Variants in DLGAP2 observed in about 807,000 individuals in gnomAD.
DLGAP2 encodes the protein DLG associated protein 2.
In DLGAP2, 26 loss-of-function variants were observed where a neutral mutation model predicts 100.3. The observed-to-expected ratio is 0.26, with a 90% CI of 0.19 to 0.36. The LOEUF (loss-of-function observed/expected upper bound fraction) is 0.36. DLGAP2 is among the 10% of genes least tolerant of loss of function. DLGAP2 has a pLI of 1.00. For synonymous variants in DLGAP2, 886 were observed against 630.1 expected (o/e 1.41, Z -6.08); for missense variants, 1,858 against 1,453.2 (o/e 1.28, Z -4.53).
chr8:900,327 T>C (rs1408774211), intron 1 of DLGAP2, among the ~76,000 whole-genome samples: 1 of 149,234 alleles, frequency 6.7e-6, no homozygotes, highest in Non-Finnish European at 1.5e-5. Context: ...CTTCACGGTG[T>C]CGCTCCCGGG....
At position 1,462,867 on chromosome 8, in the gene DLGAP2, T is replaced by C. The variant is rs77955929; in HGVS notation, c.107-38499T>C. Among the ~76,000 whole-genome samples, 170 of 152,352 alleles carry C rather than the reference T, an allele frequency of 1.1e-3. No homozygotes were observed. The East Asian group carries it at 0.029, about 26-fold the overall frequency. On this transcript the variant is annotated intron_variant, in intron 3 of 14. Coordinates refer to ENST00000637795, the MANE Select transcript of DLGAP2 (RefSeq NM_001346810.2). The stretch of plus-strand genomic sequence containing the variant: ...TAGGATCTATTTTATCTGAAACGAT[T>C]AGTTCAAGAAGGAAATGTTACTTCC...
At chr8:1,458,158 G>A (rs969266723) in intron 3 of DLGAP2, among the ~76,000 whole-genome samples, 15 of 151,126 alleles carry the variant, frequency 9.9e-5, no homozygotes, top group Non-Finnish European at 8.8e-5. Flanking sequence ...CACCCGCCTC[G>A]GCCTCCCAAA....
chr8:971,186 A>G (rs1800005674), intron 2 of DLGAP2, among the ~76,000 whole-genome samples: 2 of 152,248 alleles, frequency 1.3e-5, no homozygotes, highest in South Asian at 4.1e-4. Flanking sequence ...GATGGGAGAA[A>G]GTATTTTCAT....
At chr8:764,677 G>C (rs1821166221) in intron 1 of DLGAP2, among the ~76,000 whole-genome samples, 1 of 152,122 alleles carries the variant, frequency 6.6e-6, no homozygotes, top group African/African-American at 2.4e-5. Flanking sequence ...TCTACCGTAA[G>C]TACCATAAAA....
intron 8 of DLGAP2, among the ~76,000 whole-genome samples, chr8:1,651,191 C>G (rs1196859235): frequency 6.6e-6 from 1 of 152,220 alleles, no homozygotes; most frequent in Admixed American, 6.5e-5. Context: ...CCACCTCTGC[C>G]TCACAGCAGA....
chr8:1,173,710 C>T (rs369810490), intron 2 of DLGAP2, among the ~76,000 whole-genome samples: 49 of 152,254 alleles, frequency 3.2e-4, no homozygotes, highest in African/African-American at 6.3e-4. Context: ...TCTCCTGGTG[C>T]GCCATTTTTT....
chr8:824,712 G>C (rs1211833661), intron 1 of DLGAP2, among the ~76,000 whole-genome samples: 1 of 152,132 alleles, frequency 6.6e-6, no homozygotes, highest in Non-Finnish European at 1.5e-5. Context: ...AAGTGTGGTA[G>C]TGCTAGCGAT....
At chr8:1,350,366 C>T (rs146019247) in intron 3 of DLGAP2, among the ~76,000 whole-genome samples, 879 of 53,960 alleles carry the variant, frequency 0.016, 35 homozygotes, top group Middle Eastern at 0.033. Context: ...GGAAAGGCCG[C>T]GTGGGTCCTG....
At chr8:1,433,167 A>AG (rs1430320096) in intron 3 of DLGAP2, among the ~76,000 whole-genome samples, 1 of 152,204 alleles carries the variant, frequency 6.6e-6, no homozygotes, top group Non-Finnish European at 1.5e-5. Flanking sequence ...AAGCCCCTCC[A>AG]GGAACGTGCG....
chr8:1,507,788 C>T (rs1396616771), intron 4 of DLGAP2, among the ~76,000 whole-genome samples: 1 of 151,898 alleles, frequency 6.6e-6, no homozygotes, highest in Non-Finnish European at 1.5e-5. Flanking sequence ...CACGACCCTC[C>T]TTCACCCACC....
chr8:1,176,925 C>T (rs1797272454), intron 2 of DLGAP2, among the ~76,000 whole-genome samples: 2 of 152,270 alleles, frequency 1.3e-5, no homozygotes, highest in East Asian at 1.9e-4. Flanking sequence ...CATGCCATGG[C>T]AGCAAAGCAG....
intron 2 of DLGAP2, among the ~76,000 whole-genome samples, chr8:1,200,226 C>G (rs1046987757): frequency 6.6e-6 from 1 of 152,228 alleles, no homozygotes; most frequent in Non-Finnish European, 1.5e-5. Flanking sequence ...CCTGGGACAG[C>G]TTCGTGTCTT....
chr8:851,831 C>G (rs148485794), intron 1 of DLGAP2, among the ~76,000 whole-genome samples: 1 of 152,060 alleles, frequency 6.6e-6, no homozygotes, highest in Non-Finnish European at 1.5e-5. Flanking sequence ...GTGACTGTTC[C>G]GTGACTGCTG....
intron 3 of DLGAP2, among the ~76,000 whole-genome samples, chr8:1,381,782 A>AGTGTGTGTGTGTGTGTGTGTGT (rs72529197): frequency 1.1e-4 from 16 of 141,694 alleles, no homozygotes; most frequent in Admixed American, 1.1e-3. Flanking sequence ...GGGTTATTCT[A>AGTGTGTGTGTGTGTGTGTGTGT]GTGTGTGTGT....
At chr8:1,194,499 C>T (rs952816532) in intron 2 of DLGAP2, among the ~76,000 whole-genome samples, 5 of 152,144 alleles carry the variant, frequency 3.3e-5, no homozygotes, top group South Asian at 2.1e-4. Context: ...AGGTCATCCC[C>T]AGGGGTCCCT....
chr8:1,606,086 G>A (rs1400624801), intron 6 of DLGAP2, among the ~76,000 whole-genome samples: 1 of 152,170 alleles, frequency 6.6e-6, no homozygotes, highest in East Asian at 1.9e-4. Flanking sequence ...CTGCCCCAGA[G>A]CTCCCTCACT....
chr8:794,636 G>T (rs35984146), intron 1 of DLGAP2, among the ~76,000 whole-genome samples: 20,082 of 152,150 alleles, frequency 0.13, 1,894 homozygotes, highest in East Asian at 0.54. Flanking sequence ...GGTGTTCCTT[G>T]CCCGCATTCC....
At chr8:1,099,748 G>A (rs111560735) in intron 2 of DLGAP2, among the ~76,000 whole-genome samples, 114 of 152,306 alleles carry the variant, frequency 7.5e-4, no homozygotes, top group African/African-American at 2.7e-3. Flanking sequence ...TAATTAGTGT[G>A]TACAGTATTT....
intron 3 of DLGAP2, among the ~76,000 whole-genome samples, chr8:1,500,893 C>T (rs908940491): frequency 1.3e-5 from 2 of 152,210 alleles, no homozygotes; most frequent in African/African-American, 4.8e-5. Flanking sequence ...CAAATGCAGG[C>T]TTTGAACATT....
Sources: allele counts gnomAD v4.1 joint callset (sites outside exome capture counted in the v4.1 genomes callset), GRCh38; gene constraint gnomAD v4.1.1; transcripts MANE v1.5; gene names NCBI Gene and HGNC (gene_info 2026-07-23, HGNC 2026-07-21).